SMAD9: variants seen among roughly 807,000 people sequenced by gnomAD.
The protein encoded by SMAD9 is MAD homolog 9.
A neutral mutation model predicts 46.1 loss-of-function variants in SMAD9; 36 were observed. That is an observed-to-expected ratio of 0.78 (90% CI 0.60 to 1.03). The LOEUF is 1.03. Among genes scored for constraint, SMAD9 ranks in the 50% least tolerant of loss-of-function variants. The pLI is 0.00. For synonymous variants in SMAD9, 245 were observed against 237.1 expected (o/e 1.03, Z -0.31); for missense variants, 572 against 599.8 (o/e 0.95, Z 0.48).
intron 1 of SMAD9, among the ~76,000 whole-genome samples, chr13:36,907,959 A>G (rs995283530): frequency 2.6e-5 from 4 of 152,192 alleles, no homozygotes; most frequent in African/African-American, 9.6e-5. Context: ...GCCCAGTTAC[A>G]TAGGTTAATC....
At chr13:36,875,076 T>C (rs1237402969) in intron 2 of SMAD9, among the ~76,000 whole-genome samples, 2 of 151,964 alleles carry the variant, frequency 1.3e-5, no homozygotes, top group Non-Finnish European at 2.9e-5. Context: ...AAGCAAGAAT[T>C]ATTTAGAAGA....
intron 1 of SMAD9, among the ~76,000 whole-genome samples, chr13:36,897,997 C>T (rs1046559205): frequency 6.6e-6 from 1 of 151,834 alleles, no homozygotes; most frequent in Non-Finnish European, 1.5e-5. Context: ...GCTAGGACTA[C>T]AGGCGCCCGC....
intron 1 of SMAD9, among the ~76,000 whole-genome samples, chr13:36,895,857 A>C (rs55639205): frequency 0.21 from 31,363 of 152,020 alleles, 3,326 homozygotes; most frequent in Non-Finnish European, 0.24. Context: ...ATATTAATCT[A>C]CTTGAAATAA....
intron 1 of SMAD9, among the ~76,000 whole-genome samples, chr13:36,915,242 A>C (rs572834101): frequency 6.6e-6 from 1 of 152,290 alleles, no homozygotes; most frequent in South Asian, 2.1e-4. Flanking sequence ...CCGCAAGACC[A>C]CATGTATGCT....
intron 5 of SMAD9, among the ~76,000 whole-genome samples, chr13:36,861,409 G>C (rs1397990940): frequency 6.6e-6 from 1 of 151,862 alleles, no homozygotes; most frequent in Non-Finnish European, 1.5e-5. Context: ...CCACCTCCTG[G>C]GTTCAAGTGA....
chr13:36,875,973 T>G (rs1477216504), intron 2 of SMAD9, among the ~76,000 whole-genome samples: 1 of 152,240 alleles, frequency 6.6e-6, no homozygotes, highest in Non-Finnish European at 1.5e-5. Flanking sequence ...ATCCTAGTTG[T>G]TATTTGACCT....
At position 36,886,118 on chromosome 13, in the gene SMAD9, C is replaced by T. The variant is rs2058442850; in HGVS notation, c.-186-6243G>A. Reference sequence around the variant, plus strand: ...AATCACTGTCACAGCTGCATGTGCTCATTAACCCCACTTGACATGTGAGGA... The same window carrying T: ...AATCACTGTCACAGCTGCATGTGCTTATTAACCCCACTTGACATGTGAGGA... On this transcript the variant is annotated intron_variant, in intron 1 of 6. Coordinates refer to ENST00000379826, the MANE Select transcript of SMAD9 (RefSeq NM_001127217.3). Among the ~76,000 whole-genome samples the T allele has an allele frequency of 5.9e-5, 9 of 152,172 alleles. No individual in the cohort carries two copies. The South Asian group carries it at 1.9e-3, about 32-fold the overall frequency.
At chr13:36,919,819 G>GCCCAC (rs1328389223) in intron 1 of SMAD9, among the ~76,000 whole-genome samples, 44 of 116,604 alleles carry the variant, frequency 3.8e-4, no homozygotes, top group African/African-American at 1.2e-3. Flanking sequence ...CCGGCCCCGC[G>GCCCAC]CCCACCCCAC....
At position 36,872,641 on chromosome 13, in the gene SMAD9, C is replaced by T. The variant is rs746620393; in HGVS notation, c.670+17G>A. 1 of 1,613,800 alleles carries T rather than the reference C, an allele frequency of 6.2e-7. No homozygotes were observed. The highest frequency in any genetic ancestry group is 1.1e-5 in the South Asian group (1 of 91,072). On this transcript the variant is annotated intron_variant, in intron 3 of 6. Transcript: ENST00000379826. The stretch of plus-strand genomic sequence containing the variant: ...TTATTTTCCCGTATTTCCCCACAGA[C>T]CATAGTTCTTACTGACCTGAGTGTT...
rs561044250 is a variant in SMAD9, at chr13:36,916,492, T to C, written c.-187+3624A>G. Among the ~76,000 whole-genome samples, 94 of 152,320 alleles carry C rather than the reference T, an allele frequency of 6.2e-4. 1 individual carries two copies. The highest frequency in any genetic ancestry group is 2.3e-3 in the African/African-American group (94 of 41,576). On this transcript the variant is annotated intron_variant, in intron 1 of 6. Transcript: ENST00000379826. Reference sequence around the variant, plus strand: ...GATTCAACACCAGCTTCTTGAAAGATGGACTTTATCCTATGGGTGAAATGC... The same window carrying C: ...GATTCAACACCAGCTTCTTGAAAGACGGACTTTATCCTATGGGTGAAATGC...
At chr13:36,915,210 T>C (rs780837962) in intron 1 of SMAD9, among the ~76,000 whole-genome samples, 15 of 152,202 alleles carry the variant, frequency 9.9e-5, no homozygotes, top group Non-Finnish European at 2.1e-4. Context: ...GAATCCCCAA[T>C]GTCACCAACA....
At chr13:36,903,904 G>A (rs948449162) in intron 1 of SMAD9, among the ~76,000 whole-genome samples, 20 of 152,066 alleles carry the variant, frequency 1.3e-4, no homozygotes, top group African/African-American at 4.6e-4. Context: ...CAGGGCACAC[G>A]TGATAAAGCT....
intron 5 of SMAD9, among the ~76,000 whole-genome samples, chr13:36,856,585 C>G (rs2058127551): frequency 6.6e-6 from 1 of 152,182 alleles, no homozygotes; most frequent in African/African-American, 2.4e-5. Context: ...GCTAGAGACA[C>G]CAGCATCTGA....
intron 6 of SMAD9, among the ~76,000 whole-genome samples, chr13:36,853,070 A>G (rs1372000322): frequency 6.6e-6 from 1 of 152,098 alleles, no homozygotes; most frequent in South Asian, 2.1e-4. Context: ...GAGGATCACA[A>G]GGTCAGGAGT....
chr13:36,891,447 G>A (rs968382032), intron 1 of SMAD9, among the ~76,000 whole-genome samples: 5 of 152,196 alleles, frequency 3.3e-5, no homozygotes, highest in African/African-American at 1.2e-4. Flanking sequence ...AAAATATTGG[G>A]GAGGTGCTAT....
At chr13:36,908,729 A>G (rs972233270) in intron 1 of SMAD9, among the ~76,000 whole-genome samples, 2 of 152,238 alleles carry the variant, frequency 1.3e-5, no homozygotes, top group Non-Finnish European at 2.9e-5. Flanking sequence ...GAAAAAAAAG[A>G]AGTGAAAATA....
rs938502409 is a variant in SMAD9 at position 36,873,011 on chromosome 13, T to C, written c.413-96A>G. ...GCTGTTCTTATCTATTTTTTGTTTA[T>C]GATAGAGCTGTTTTTCCCCTTGGGA... is the stretch of plus-strand genomic sequence containing the variant. On this transcript the variant is annotated intron_variant, in intron 2 of 6. Coordinates refer to ENST00000379826, the MANE Select transcript of SMAD9 (RefSeq NM_001127217.3). The C allele has an allele frequency of 2.3e-5, 33 of 1,418,288 alleles. No individual in the cohort carries two copies. The African/African-American group carries it at 4.4e-4, about 19-fold the overall frequency. The allele number at this position is 1,418,288 out of a possible 1,614,324, so 87.9% of individuals were successfully genotyped here. A position where few individuals can be genotyped will look rare whatever the true frequency, so the allele number is the denominator to read the frequency against.
rs759779304 is a variant in SMAD9, at chr13:36,848,785, G to A, written c.1295C>T (p.Thr432Ile). 2 of 1,613,978 alleles carry A rather than the reference G, an allele frequency of 1.2e-6. No individual in the cohort carries two copies. The highest frequency in any genetic ancestry group is 2.2e-5 in the South Asian group (2 of 91,078). The change falls in exon 7 of 7, where the codon ACC becomes ATC. Residue 432 changes from threonine (T) to isoleucine (I), a missense_variant. Physicochemically the swap from Thr to Ile is moderately conservative, Grantham distance 89. Transcript: ENST00000379826. ...AATCTCAATCCAGCAGGGGGTGCTG[G>A]TGACATCCTGGCGATGATACTCAGC... The part of the protein sequence containing the change: ...WGAEYHRQDV[T>I]STPCWIEIHL...
At chr13:36,877,912 G>A (rs1432551602) in intron 2 of SMAD9, among the ~76,000 whole-genome samples, 3 of 152,260 alleles carry the variant, frequency 2.0e-5, no homozygotes, top group Non-Finnish European at 4.4e-5. Flanking sequence ...ACGTAGACAG[G>A]ACCATCTCTT....
Sources: allele counts gnomAD v4.1 joint callset (sites outside exome capture counted in the v4.1 genomes callset), GRCh38; gene constraint gnomAD v4.1.1; transcripts MANE v1.5; gene names NCBI Gene and HGNC (gene_info 2026-07-23, HGNC 2026-07-21).